The following RNF14 variants were observed in gnomAD, a reference collection of about 807,000 sequenced individuals.
The protein encoded by RNF14 is E3 ubiquitin-protein ligase RNF14.
Under a neutral mutation model 52.6 loss-of-function variants are expected in RNF14, and 26 were observed. That is an observed-to-expected ratio of 0.49 (90% CI 0.36 to 0.69). The LOEUF is 0.69. RNF14 is among the 30% of genes least tolerant of loss of function. The pLI, the probability that RNF14 is intolerant of heterozygous loss-of-function variation, is 0.00. For synonymous variants in RNF14, 194 were observed against 202.0 expected (o/e 0.96, Z 0.34); for missense variants, 404 against 560.4 (o/e 0.72, Z 2.82).
chr5:141,984,665 G>A, intron 7 of RNF14, 138 bp from the exon 8 acceptor site: 7 of 652,074 alleles, frequency 1.1e-5, no homozygotes, highest in Non-Finnish European at 1.9e-5. Context: ...ATAGTCATCA[G>A]TGTGTTACAT....
At chr5:141,955,067 G>A (rs182860036), upstream of RNF14, 48 of 1,614,226 alleles carry the variant, frequency 3.0e-5, no homozygotes, top group Admixed American at 1.7e-4. The surrounding 1 kb of genome is among the most constrained non-coding windows in gnomAD (Gnocchi z 5.5). Flanking sequence ...AGGATCTGAC[G>A]GGGCCCTGAT....
chr5:141,957,280 G>C, upstream of RNF14: 1 of 1,613,740 alleles, frequency 6.2e-7, no homozygotes, highest in East Asian at 2.2e-5. The surrounding 1 kb of genome is among the most constrained non-coding windows in gnomAD (Gnocchi z 4.3). Flanking sequence ...TGCATGTTTG[G>C]TCTCATCAGG....
intron 4 of RNF14, among the ~76,000 whole-genome samples, chr5:141,976,535 A>G (rs1356736741): frequency 1.3e-5 from 2 of 152,060 alleles, no homozygotes; most frequent in Non-Finnish European, 2.9e-5. Flanking sequence ...TTGGTCTCTT[A>G]TATTCCTTCT....
upstream of RNF14, chr5:141,957,587 C>T (rs1033768752): frequency 1.9e-6 from 3 of 1,614,104 alleles, no homozygotes; most frequent in African/African-American, 4.0e-5. The surrounding 1 kb of genome is among the most constrained non-coding windows in gnomAD (Gnocchi z 4.3). Flanking sequence ...AGCCGCCTGC[C>T]TGTGCTGAGC....
chr5:141,949,654 T>C, the RNF14 span: 4 of 1,545,586 alleles, frequency 2.6e-6, no homozygotes, highest in Non-Finnish European at 8.8e-7. Context: ...TGCCCATTCA[T>C]GTTTGCATTC....
chr5:141,955,017 C>G, upstream of RNF14: 2 of 1,614,180 alleles, frequency 1.2e-6, no homozygotes, highest in Non-Finnish European at 1.7e-6. This position sits in a 1 kb window ranked among gnomAD's most constrained non-coding sequence, Gnocchi z 5.5. Context: ...CGGGGTTCCG[C>G]TCGGCGAAGG....
chr5:141,956,023 G>A (rs1219147375), upstream of RNF14: 1 of 1,614,168 alleles, frequency 6.2e-7, no homozygotes, highest in South Asian at 1.1e-5. Context: ...GGAGCTGTGA[G>A]TGGCCAGTGG....
In RNF14 at chr5:141,970,815, C is replaced by T. The variant is rs1753674957; in HGVS notation, c.-69C>T. ...AGAATAAATGGGATTTGCATGAACT[C>T]CACTCTGAGCTGAAATACAGACTGC... On this transcript the variant is annotated 5_prime_UTR_variant, in exon 2 of 9. Coordinates refer to ENST00000394520, the MANE Select transcript of RNF14 (RefSeq NM_004290.5). 6.6e-6 allele frequency: 1 copy of T among 152,298 alleles called. No individual in the cohort carries two copies. Among genetic ancestry groups the T allele is most frequent in the African/African-American group, 2.4e-5 (1 of 41,422 alleles). The allele number at this position is 152,298 out of a possible 1,614,324, so 9.4% of individuals were successfully genotyped here.
chr5:141,984,101 C>CTTTTT (rs201857998), intron 7 of RNF14, among the ~76,000 whole-genome samples: 1 of 136,660 alleles, frequency 7.3e-6, no homozygotes, highest in Non-Finnish European at 1.6e-5. Context: ...TATGTAATCA[C>CTTTTT]TTTTTTTTTT....
chr5:141,987,881 A>G lies in RNF14; in HGVS notation c.*91A>G, dbSNP rs1755386444. ...AACTTTGCGGGATATTTAGGGTACTATTCATTCACTCTTCCTGCGTAGAAG... is the reference window on the plus strand; with the variant it reads ...AACTTTGCGGGATATTTAGGGTACTGTTCATTCACTCTTCCTGCGTAGAAG... On this transcript the variant is annotated 3_prime_UTR_variant, in exon 9 of 9. Coordinates refer to ENST00000394520, the MANE Select transcript of RNF14 (RefSeq NM_004290.5). The G allele has an allele frequency of 3.5e-6, 4 of 1,159,294 alleles. No individual in the cohort carries two copies. The highest frequency in any genetic ancestry group is 5.2e-6 in the Non-Finnish European group (4 of 769,468). The allele number at this position is 1,159,294 out of a possible 1,614,324, so 71.8% of individuals were successfully genotyped here.
At chr5:141,956,865 G>A (rs762637946), upstream of RNF14, 3 of 1,614,106 alleles carry the variant, frequency 1.9e-6, no homozygotes, top group African/African-American at 2.7e-5. Flanking sequence ...GGATAGGATT[G>A]GGACCCAGGT....
At chr5:141,951,375 C>T in the RNF14 span, 17 of 747,782 alleles carry the variant, frequency 2.3e-5, 1 homozygote, top group Middle Eastern at 3.8e-4. Flanking sequence ...GTCTGCTGCA[C>T]CCTCCCAGGG....
Position 141,983,396 on chromosome 5 carries a change from A to C in RNF14, c.1080A>C (p.Leu360Phe). The C allele has an allele frequency of 6.2e-7, 1 of 1,612,676 alleles. No individual in the cohort carries two copies. The highest frequency in any genetic ancestry group is 8.5e-7 in the Non-Finnish European group (1 of 1,179,572). The change falls in exon 7 of 9, where the codon TTA becomes TTC. Residue 360 changes from leucine (L) to phenylalanine (F), a missense_variant. Leu to Phe is a conservative substitution (Grantham distance 22). Transcript: ENST00000394520. ...CKVTAEKLMD[L>F]RNEYLQADEA... The stretch of plus-strand genomic sequence containing the variant: ...ACTTTGTAGAGAAATTAATGGACTT[A>C]CGAAATGAATACCTGCAAGCGGATG...
At chr5:141,951,966 C>T in the RNF14 span, among the ~76,000 whole-genome samples, 1 of 152,252 alleles carries the variant, frequency 6.6e-6, no homozygotes, top group Non-Finnish European at 1.5e-5. Context: ...TTATGTTCCC[C>T]TTTAGCAGTA....
chr5:141,957,596 G>A (rs1334511222), upstream of RNF14: 2 of 1,614,216 alleles, frequency 1.2e-6, no homozygotes, highest in African/African-American at 1.3e-5. This position sits in a 1 kb window ranked among gnomAD's most constrained non-coding sequence, Gnocchi z 4.3. Flanking sequence ...CCTGTGCTGA[G>A]CAAGCCTTCC....
rs1755464397 is a variant in RNF14 at position 141,989,181 on chromosome 5, T to TA, written c.*1393dup. ...AAAAATAAATTTAAAAATCATCTTATAATTAGAACAGAGTTGCTGCTATTT... is the reference window on the plus strand; with the variant it reads ...AAAAATAAATTTAAAAATCATCTTATAAATTAGAACAGAGTTGCTGCTATTT... On this transcript the variant is annotated 3_prime_UTR_variant, in exon 9 of 9. Coordinates refer to ENST00000394520, the MANE Select transcript of RNF14 (RefSeq NM_004290.5). The TA allele has an allele frequency of 6.6e-6, 1 of 152,334 alleles. No homozygotes were observed. The allele number at this position is 152,334 out of a possible 1,614,324, so 9.4% of individuals were successfully genotyped here. A position where few individuals can be genotyped will look rare whatever the true frequency, so the allele number is the denominator to read the frequency against.
upstream of RNF14, chr5:141,956,232 G>T (rs540451415): frequency 1.2e-6 from 2 of 1,614,182 alleles, no homozygotes; most frequent in Non-Finnish European, 1.7e-6. Flanking sequence ...TGGGTTGCCC[G>T]CTGTCCTCTG....
chr5:141,984,969 AT>A, intron 8 of RNF14, 36 bp downstream of exon 8: 3 of 1,582,300 alleles, frequency 1.9e-6, no homozygotes, highest in African/African-American at 1.3e-5. Context: ...CTCACCAGCA[AT>A]TTTTGGTACT....
rs1032574464 is a variant in RNF14, at chr5:141,989,974, C to G, written c.*2184C>G. 5.3e-5 allele frequency: 8 copies of G among 152,050 alleles called. No homozygotes were observed. The highest frequency in any genetic ancestry group is 1.2e-4 in the Non-Finnish European group (8 of 68,002). 9.4% of individuals were successfully genotyped at this position (152,050 alleles called of 1,614,324 possible). A position where few individuals can be genotyped will look rare whatever the true frequency, so the allele number is the denominator to read the frequency against. ...TACAGTTTTATGAAAGAAATGGGAGCCTTTTTTCCCATTTATGATATTAAA... is the reference window on the plus strand; with the variant it reads ...TACAGTTTTATGAAAGAAATGGGAGGCTTTTTTCCCATTTATGATATTAAA... On this transcript the variant is annotated 3_prime_UTR_variant, in exon 9 of 9. Coordinates refer to ENST00000394520, the MANE Select transcript of RNF14 (RefSeq NM_004290.5).
Sources: gnomAD v4.1 joint callset for allele counts (sites outside exome capture counted in the v4.1 genomes callset) on GRCh38, gnomAD v4.1.1 for gene constraint, Gnocchi (gnomAD v3.1) non-coding constraint, MANE v1.5 for transcripts, NCBI Gene and HGNC (gene_info 2026-07-23, HGNC 2026-07-21) for gene names.